GLB1L2: variants seen among roughly 807,000 people sequenced by gnomAD.
GLB1L2 encodes galactosidase beta 1 like 2.
In GLB1L2, 68 loss-of-function variants were observed where a neutral mutation model predicts 84.1. The ratio of observed to expected loss-of-function variants is 0.81; its 90% CI spans 0.67 to 0.99. The LOEUF is 0.99. Among genes scored for constraint, GLB1L2 ranks in the 50% least tolerant of loss-of-function variants. The pLI is 0.00. For missense variants in GLB1L2, 762 were observed against 805.6 expected (o/e 0.95, Z 0.66); for synonymous variants, 290 against 318.0 (o/e 0.91, Z 0.94).
chr11:134,370,971 C>T lies in GLB1L2; in HGVS notation c.1216-37C>T. The T allele has an allele frequency of 1.2e-6, 2 of 1,611,612 alleles. No individual in the cohort carries two copies. Among genetic ancestry groups the T allele is most frequent in the Non-Finnish European group, 8.5e-7 (1 of 1,178,696 alleles). ...GAGTCTGTCTGTGACCCCACTCCTC[C>T]TGAGCCTGCCCACCCCTCCATCTCT... On this transcript the variant is annotated intron_variant, in intron 12 of 18. Transcript: ENST00000535456. The surrounding 1 kb of genome is among the most constrained non-coding windows in gnomAD (Gnocchi z 4.7).
At chr11:134,367,376 G>A (rs376707768) in intron 9 of GLB1L2, 35 bp downstream of exon 9, 3 of 1,558,676 alleles carry the variant, frequency 1.9e-6, no homozygotes, top group Non-Finnish European at 2.7e-6. Flanking sequence ...CAGAATGTGT[G>A]CTACTTAAGA....
rs1943651379 is a variant in GLB1L2, at chr11:134,352,783, G to A, written c.559-3518G>A. On this transcript the variant is annotated intron_variant, in intron 5 of 18. Transcript: ENST00000535456. ...ATTACTCACCCTCCCAAGTAGCTGG[G>A]ATTACAGGTGCCCGTGACCACGCCC... Among the ~76,000 whole-genome samples the A allele has an allele frequency of 3.3e-5, 5 of 151,998 alleles. No individual in the cohort carries two copies. In the South Asian group the frequency reaches 1.0e-3, roughly 32 times the overall value.
At chr11:134,366,662 T>C (rs532704919) in intron 8 of GLB1L2, among the ~76,000 whole-genome samples, 2 of 152,248 alleles carry the variant, frequency 1.3e-5, no homozygotes, top group South Asian at 4.1e-4. Context: ...GATTTAAGAT[T>C]TGTTGAGTGG....
intron 1 of GLB1L2, among the ~76,000 whole-genome samples, chr11:134,333,644 T>C (rs1258854): frequency 0.57 from 86,766 of 151,842 alleles, 24,973 homozygotes; most frequent in Middle Eastern, 0.61. Context: ...TGAGGGTTTG[T>C]TATTGTTTGG....
At position 134,370,554 on chromosome 11, in the gene GLB1L2, G is replaced by A. The variant is rs993065600; in HGVS notation, c.1215+155G>A. On this transcript the variant is annotated intron_variant, in intron 12 of 18. Transcript: ENST00000535456. The surrounding 1 kb of genome is among the most constrained non-coding windows in gnomAD (Gnocchi z 4.7). ...CAGACAGGGAGTGTGGGGGGAGGCA[G>A]GCCAGTGCCTGGTGGCTCTGGGGTC... Among the ~76,000 whole-genome samples, 4 of 152,112 alleles carry A rather than the reference G, an allele frequency of 2.6e-5. No homozygotes were observed. The highest frequency in any genetic ancestry group is 4.4e-5 in the Non-Finnish European group (3 of 68,018).
intron 6 of GLB1L2, among the ~76,000 whole-genome samples, chr11:134,357,329 G>A (rs116435856): frequency 1.0e-3 from 155 of 152,302 alleles, no homozygotes; most frequent in African/African-American, 3.6e-3. Flanking sequence ...GGGTTCATGC[G>A]TACTCTTCCC....
intron 5 of GLB1L2, among the ~76,000 whole-genome samples, chr11:134,348,775 A>T (rs927842196): frequency 1.7e-4 from 26 of 152,042 alleles, no homozygotes; most frequent in African/African-American, 5.8e-4. Context: ...CCAGTTTTGG[A>T]GAGTGGGAAG....
chr11:134,367,192 T>A, intron 8 of GLB1L2, 65 bp from the exon 9 acceptor site: 1 of 1,337,420 alleles, frequency 7.5e-7, no homozygotes, highest in Non-Finnish European at 1.1e-6. Flanking sequence ...CTCCCCTCCA[T>A]GAAGAGCTTC....
intron 1 of GLB1L2, among the ~76,000 whole-genome samples, chr11:134,342,522 A>G (rs1185982827): frequency 6.6e-6 from 1 of 152,054 alleles, no homozygotes; most frequent in Admixed American, 6.5e-5. Flanking sequence ...CTCCATGCCG[A>G]GTGCTGTGCT....
chr11:134,343,078 C>A, intron 2 of GLB1L2, 127 bp downstream of exon 2: 1 of 914,648 alleles, frequency 1.1e-6, no homozygotes, highest in South Asian at 1.8e-5. Flanking sequence ...GGGTCTCCCT[C>A]CTCCTCCCCA....
At chr11:134,371,374 C>A in intron 13 of GLB1L2, 47 bp from the exon 14 acceptor site, 1 of 1,281,284 alleles carries the variant, frequency 7.8e-7, no homozygotes. Flanking sequence ...GTCCCGCTTA[C>A]CCTCCTCCTG....
At chr11:134,365,407 T>TG (rs1943856421) in intron 8 of GLB1L2, among the ~76,000 whole-genome samples, 2 of 151,944 alleles carry the variant, frequency 1.3e-5, no homozygotes, top group Non-Finnish European at 2.9e-5. Context: ...TGCAGTGGAG[T>TG]GGGGGGTGCC....
Position 134,375,211 on chromosome 11 carries a change from T to C in GLB1L2, c.*153T>C. ...GGCTACAGTCTGCCCCTGTCTCAGC[T>C]CAAAACCCTAAGCCTGCAGGGAAAG... On this transcript the variant is annotated 3_prime_UTR_variant, in exon 19 of 19. Coordinates refer to ENST00000535456, the MANE Select transcript of GLB1L2 (RefSeq NM_001370461.1). 1 of 617,352 alleles carries C rather than the reference T, an allele frequency of 1.6e-6. No homozygotes were observed. The allele number at this position is 617,352 out of a possible 1,614,324, so 38.2% of individuals were successfully genotyped here. A position where few individuals can be genotyped will look rare whatever the true frequency, so the allele number is the denominator to read the frequency against.
rs549882008 is a variant in GLB1L2 at position 134,347,539 on chromosome 11, C to T, written c.558+106C>T. On this transcript the variant is annotated intron_variant, in intron 5 of 18. Coordinates refer to ENST00000535456, the MANE Select transcript of GLB1L2 (RefSeq NM_001370461.1). ...AGGGTCCTCCAGTGTTTTGAACACA[C>T]GAGCAGGCTCTTCCTCACCGTCCGA... is the stretch of plus-strand genomic sequence containing the variant. The T allele has an allele frequency of 9.8e-5, 75 of 765,466 alleles. 1 individual carries two copies. Among genetic ancestry groups the T allele is most frequent in the South Asian group, 6.3e-4 (43 of 68,172 alleles). The allele number at this position is 765,466 out of a possible 1,614,324, so 47.4% of individuals were successfully genotyped here. A position where few individuals can be genotyped will look rare whatever the true frequency, so the allele number is the denominator to read the frequency against.
At chr11:134,362,639 G>A (rs1943811615) in intron 7 of GLB1L2, among the ~76,000 whole-genome samples, 1 of 152,348 alleles carries the variant, frequency 6.6e-6, no homozygotes, top group Admixed American at 6.5e-5. Flanking sequence ...CCAGGCCGGC[G>A]GTGGACAGGA....
Position 134,371,032 on chromosome 11 carries a change from A to G in GLB1L2, c.1240A>G (p.Asn414Asp). Residue 414 changes from asparagine (N) to aspartate (D), a missense_variant, in exon 13 of 19, where the codon AAC becomes GAC. Physicochemically the swap from Asn to Asp is conservative, Grantham distance 23. This residue lies in a region of GLB1L2 where 603 missense variants were observed against 611.7 expected (regional missense o/e 0.99). Transcript: ENST00000535456. ...GCCAATCAAGTCTGAAAAGCCCATC[A>G]ACATGGAGAACCTGCCAGTCAATGG... ...GEPIKSEKPI[N>D]MENLPVNGGN... 6.2e-7 allele frequency: 1 copy of G among 1,614,120 alleles called. No individual in the cohort carries two copies. Among genetic ancestry groups the G allele is most frequent in the Non-Finnish European group, 8.5e-7 (1 of 1,180,022 alleles).
rs1943429284 is a variant in GLB1L2 at position 134,339,118 on chromosome 11, T to C, written c.87-3636T>C. On this transcript the variant is annotated intron_variant, in intron 1 of 18. Transcript: ENST00000535456. This position sits in a 1 kb window ranked among gnomAD's most constrained non-coding sequence, Gnocchi z 5.7. The stretch of plus-strand genomic sequence containing the variant: ...TAAAGGTCCATCGTGGATGAACTGC[T>C]CCCCAAGAAAAGTGACAGAAACACG... Among the ~76,000 whole-genome samples, 2 of 152,184 alleles carry C rather than the reference T, an allele frequency of 1.3e-5. No individual in the cohort carries two copies. The highest frequency in any genetic ancestry group is 1.3e-4 in the Admixed American group (2 of 15,282).
intron 1 of GLB1L2, among the ~76,000 whole-genome samples, chr11:134,333,436 C>T (rs1943334341): frequency 6.6e-6 from 1 of 152,204 alleles, no homozygotes; most frequent in African/African-American, 2.4e-5. Context: ...GGCAGCAGAT[C>T]CTCCTGCATA....
intron 15 of GLB1L2, among the ~76,000 whole-genome samples, chr11:134,373,328 T>G (rs1485657132): frequency 6.6e-6 from 1 of 152,200 alleles, no homozygotes; most frequent in Non-Finnish European, 1.5e-5. Context: ...GTGGCAGAGA[T>G]GATTCTGGCT....
Sources: gnomAD v4.1 joint callset for allele counts (sites outside exome capture counted in the v4.1 genomes callset) on GRCh38, gnomAD v4.1.1 for gene constraint, gnomAD v4.1.1 regional missense constraint, Gnocchi (gnomAD v3.1) non-coding constraint, MANE v1.5 for transcripts, NCBI Gene and HGNC (gene_info 2026-07-23, HGNC 2026-07-21) for gene names.